MAGI2: variants seen among roughly 807,000 people sequenced by gnomAD.
MAGI2 encodes membrane-associated guanylate kinase, WW and PDZ domain-containing protein 2.
A neutral mutation model predicts 133.3 loss-of-function variants in MAGI2; 35 were observed. The ratio of observed to expected loss-of-function variants is 0.26; its 90% CI spans 0.20 to 0.35. The LOEUF (loss-of-function observed/expected upper bound fraction) is 0.35. MAGI2 is among the 10% of genes least tolerant of loss of function. The pLI, the probability that MAGI2 is intolerant of heterozygous loss-of-function variation, is 1.00. For missense variants in MAGI2, 1,636 were observed against 1,863.4 expected (o/e 0.88, Z 2.25); for synonymous variants, 729 against 710.6 (o/e 1.03, Z -0.41).
intron 9 of MAGI2, among the ~76,000 whole-genome samples, chr7:78,307,550 G>C (rs926754395): frequency 7.2e-5 from 11 of 152,138 alleles, no homozygotes; most frequent in Admixed American, 6.6e-4. Context: ...TGTTGTAACA[G>C]AAAGAACATT....
At chr7:78,183,369 G>A (rs922672125) in intron 13 of MAGI2, among the ~76,000 whole-genome samples, 1 of 149,968 alleles carries the variant, frequency 6.7e-6, no homozygotes, top group South Asian at 2.1e-4. Context: ...AGGTTCAAGC[G>A]ATTCTCCTGC....
chr7:79,023,716 G>A (rs2116718730), intron 1 of MAGI2, among the ~76,000 whole-genome samples: 1 of 152,208 alleles, frequency 6.6e-6, no homozygotes, highest in South Asian at 2.1e-4. Context: ...GCCAAATTGA[G>A]ACTGCAATTC....
At chr7:78,425,059 T>A (rs1200501093) in intron 6 of MAGI2, among the ~76,000 whole-genome samples, 3 of 152,164 alleles carry the variant, frequency 2.0e-5, no homozygotes, top group Non-Finnish European at 4.4e-5. Context: ...ATGGTTTGTC[T>A]TTGTCCCCAC....
At chr7:78,529,560 A>G (rs1248383460) in intron 3 of MAGI2, among the ~76,000 whole-genome samples, 1 of 152,142 alleles carries the variant, frequency 6.6e-6, no homozygotes, top group Non-Finnish European at 1.5e-5. Flanking sequence ...TAAATCCCTT[A>G]GAATAGCACT....
chr7:78,459,300 G>A (rs1200418856), intron 6 of MAGI2, among the ~76,000 whole-genome samples: 1 of 152,144 alleles, frequency 6.6e-6, no homozygotes, highest in Non-Finnish European at 1.5e-5. Flanking sequence ...TTCTCATCTT[G>A]TCATTATTAC....
chr7:79,361,124 C>T (rs1476566841), intron 1 of MAGI2, among the ~76,000 whole-genome samples: 1 of 152,052 alleles, frequency 6.6e-6, no homozygotes, highest in Non-Finnish European at 1.5e-5. Flanking sequence ...TCAAAGAGGG[C>T]CACTGCATAA....
chr7:79,020,765 TAA>T (rs3069467), intron 1 of MAGI2, among the ~76,000 whole-genome samples: 1 of 139,136 alleles, frequency 7.2e-6, no homozygotes. Context: ...GACTCTGTCT[TAA>T]AAAAAAAAAA....
chr7:78,070,131 A>ATATG (rs1218161953), intron 21 of MAGI2, among the ~76,000 whole-genome samples: 3 of 140,982 alleles, frequency 2.1e-5, no homozygotes, highest in African/African-American at 5.4e-5. Context: ...ACACACATAT[A>ATATG]TGTGTGTGTA....
At chr7:78,948,664 G>T (rs1272323150) in intron 2 of MAGI2, among the ~76,000 whole-genome samples, 1 of 152,006 alleles carries the variant, frequency 6.6e-6, no homozygotes, top group Non-Finnish European at 1.5e-5. Flanking sequence ...TTGTACATTA[G>T]AATCAATAAT....
At position 78,754,463 on chromosome 7, in the gene MAGI2, C is replaced by T. The variant is rs549994861; in HGVS notation, c.419-127224G>A. 1.3e-3 allele frequency among the ~76,000 whole-genome samples: 203 copies of T among 152,106 alleles called. 3 individuals carry two copies. In the South Asian group the frequency reaches 0.029, roughly 21 times the overall value. ...TAATAAGCCCAAGTAAAACAAATTA[C>T]GCTTTAAATGTCCATTATGATAAAC... On this transcript the variant is annotated intron_variant, in intron 2 of 21. Coordinates refer to ENST00000354212, the MANE Select transcript of MAGI2 (RefSeq NM_012301.4).
chr7:78,507,923 T>G (rs148169059), intron 4 of MAGI2, among the ~76,000 whole-genome samples: 32 of 152,350 alleles, frequency 2.1e-4, no homozygotes, highest in Non-Finnish European at 4.0e-4. Flanking sequence ...GCTTCAATCA[T>G]AGATATTTAT....
chr7:78,302,272 C>T (rs1316075590), intron 9 of MAGI2, among the ~76,000 whole-genome samples: 2 of 152,082 alleles, frequency 1.3e-5, no homozygotes, highest in Non-Finnish European at 2.9e-5. Flanking sequence ...TGGAAAAGTT[C>T]CATATAAATG....
chr7:79,256,269 T>C, intron 1 of MAGI2, among the ~76,000 whole-genome samples: 1 of 152,174 alleles, frequency 6.6e-6, no homozygotes, highest in Non-Finnish European at 1.5e-5. Flanking sequence ...GTGAAAGTGT[T>C]ACTACAAATT....
intron 3 of MAGI2, among the ~76,000 whole-genome samples, chr7:78,555,135 A>G (rs1394909679): frequency 4.5e-5 from 4 of 88,982 alleles, no homozygotes; most frequent in Non-Finnish European, 1.1e-4. Flanking sequence ...CACTGTCAGA[A>G]ATAAATAAAT....
chr7:78,290,305 G>A (rs191833967), intron 9 of MAGI2, among the ~76,000 whole-genome samples: 3 of 152,154 alleles, frequency 2.0e-5, no homozygotes, highest in Admixed American at 1.3e-4. Flanking sequence ...TTCAATCCTA[G>A]TCTCTGATAA....
intron 6 of MAGI2, among the ~76,000 whole-genome samples, chr7:78,465,568 T>C (rs1056730323): frequency 6.6e-6 from 1 of 152,206 alleles, no homozygotes; most frequent in Non-Finnish European, 1.5e-5. Flanking sequence ...CAGAAAGATA[T>C]ACCTTTAAGT....
chr7:79,157,462 G>A (rs1440769499), intron 1 of MAGI2, among the ~76,000 whole-genome samples: 1 of 151,604 alleles, frequency 6.6e-6, no homozygotes, highest in African/African-American at 2.4e-5. Context: ...GGGTGGAAAT[G>A]ACTCAATGGT....
chr7:78,895,982 T>C (rs961834144), intron 2 of MAGI2, among the ~76,000 whole-genome samples: 6 of 152,234 alleles, frequency 3.9e-5, no homozygotes, highest in African/African-American at 7.2e-5. Context: ...GGAAAAATTT[T>C]CAATCAATTT....
chr7:78,163,906 C>A (rs1199068103), intron 15 of MAGI2, among the ~76,000 whole-genome samples: 563 of 126,266 alleles, frequency 4.5e-3, no homozygotes, highest in African/African-American at 5.4e-3. Flanking sequence ...GACTCCGTCT[C>A]AAAAAAAAAA....
Sources: gnomAD v4.1 joint callset for allele counts (sites outside exome capture counted in the v4.1 genomes callset) on GRCh38, gnomAD v4.1.1 for gene constraint, MANE v1.5 for transcripts, NCBI Gene and HGNC (gene_info 2026-07-23, HGNC 2026-07-21) for gene names.